RBMS3: variants seen among roughly 807,000 people sequenced by gnomAD.
RBMS3 encodes the protein RNA-binding motif, single-stranded-interacting protein 3.
In RBMS3, 27 loss-of-function variants were observed where a neutral mutation model predicts 66.8. That is an observed-to-expected ratio of 0.40 (90% CI 0.30 to 0.56). The LOEUF (loss-of-function observed/expected upper bound fraction) is 0.56, where lower values mean the gene tolerates loss of function less well. Among genes scored for constraint, RBMS3 ranks in the 20% least tolerant of loss-of-function variants. The pLI, the probability that RBMS3 is intolerant of heterozygous loss-of-function variation, is 0.40. For missense variants in RBMS3, 513 were observed against 549.5 expected (o/e 0.93, Z 0.66); for synonymous variants, 188 against 183.0 (o/e 1.03, Z -0.22).
intron 3 of RBMS3, among the ~76,000 whole-genome samples, chr3:29,498,419 G>C (rs2043843472): frequency 6.6e-6 from 1 of 152,042 alleles, no homozygotes; most frequent in Non-Finnish European, 1.5e-5. Flanking sequence ...ATATACTAAT[G>C]TATATTTAAA....
intron 12 of RBMS3, among the ~76,000 whole-genome samples, chr3:29,972,101 C>A (rs918600830): frequency 6.6e-6 from 1 of 152,116 alleles, no homozygotes; most frequent in Non-Finnish European, 1.5e-5. Flanking sequence ...TATCATCAAA[C>A]TAACTATTCT....
chr3:29,293,232 C>T lies in RBMS3; in HGVS notation c.75+11476C>T, dbSNP rs79225981. On this transcript the variant is annotated intron_variant, in intron 1 of 14. Coordinates refer to ENST00000383767, the MANE Select transcript of RBMS3 (RefSeq NM_001003793.3). ...TGTATCTAACATATTCATATACGATCTGTATGTGCTCACAAATATAACCAG... is the reference window on the plus strand; with the variant it reads ...TGTATCTAACATATTCATATACGATTTGTATGTGCTCACAAATATAACCAG... 2.4e-3 allele frequency among the ~76,000 whole-genome samples: 369 copies of T among 151,414 alleles called. 1 individual carries two copies. Among genetic ancestry groups the T allele is most frequent in the Non-Finnish European group, 2.6e-3 (177 of 67,748 alleles).
intron 12 of RBMS3, among the ~76,000 whole-genome samples, chr3:29,959,882 A>G (rs954432030): frequency 1.5e-4 from 23 of 152,132 alleles, no homozygotes; most frequent in African/African-American, 5.6e-4. Flanking sequence ...GTCTCCCACC[A>G]GATCCTTCCT....
intron 6 of RBMS3, among the ~76,000 whole-genome samples, chr3:29,783,032 C>T (rs2149413098): frequency 6.6e-6 from 1 of 152,062 alleles, no homozygotes; most frequent in Non-Finnish European, 1.5e-5. Flanking sequence ...AAGTTTGGGA[C>T]TATGTTAAAT....
intron 4 of RBMS3, among the ~76,000 whole-genome samples, chr3:29,650,585 G>T (rs764052719): frequency 6.6e-6 from 1 of 152,050 alleles, no homozygotes; most frequent in Non-Finnish European, 1.5e-5. Context: ...GAGGCACCAC[G>T]CCTGGCCTCC....
rs2042558811 is a variant in RBMS3, at chr3:29,466,780, G to A, written c.249-21661G>A. ...GCACTGTTTATGTACAGACATAGTT[G>A]GCCTTATGTTTTTTTTCTTAATCTG... On this transcript the variant is annotated intron_variant, in intron 2 of 14. Transcript: ENST00000383767. Among the ~76,000 whole-genome samples the A allele has an allele frequency of 2.0e-5, 3 of 152,032 alleles. 1 individual carries two copies. The South Asian group carries it at 6.2e-4, about 31-fold the overall frequency.
chr3:29,597,189 T>A (rs2047974035), intron 4 of RBMS3, among the ~76,000 whole-genome samples: 1 of 152,048 alleles, frequency 6.6e-6, no homozygotes, highest in Admixed American at 6.5e-5. Flanking sequence ...CCAAAATACA[T>A]GTTTTTTTAA....
intron 6 of RBMS3, 72 bp downstream of exon 6, chr3:29,763,061 TA>T: frequency 1.0e-5 from 11 of 1,075,168 alleles, no homozygotes; most frequent in Non-Finnish European, 1.4e-5. Flanking sequence ...AAGTACATTG[TA>T]AAGCCCTTGT....
At chr3:29,589,397 A>G (rs1048789010) in intron 4 of RBMS3, among the ~76,000 whole-genome samples, 4 of 152,094 alleles carry the variant, frequency 2.6e-5, no homozygotes, top group African/African-American at 9.7e-5. Context: ...AAAAAATGAG[A>G]TTCCAATTGG....
chr3:29,291,484 C>G (rs942317701), intron 1 of RBMS3, among the ~76,000 whole-genome samples: 1 of 151,782 alleles, frequency 6.6e-6, no homozygotes, highest in Non-Finnish European at 1.5e-5. Context: ...GTGCCAGGTT[C>G]ACAGAATTTT....
At chr3:29,322,297 ATGT>A (rs1191367936) in intron 1 of RBMS3, among the ~76,000 whole-genome samples, 1 of 152,062 alleles carries the variant, frequency 6.6e-6, no homozygotes, top group African/African-American at 2.4e-5. Context: ...TCTAGTAAAA[ATGT>A]TGTCTGTGTT....
At chr3:29,883,086 T>A (rs986910335) in intron 7 of RBMS3, among the ~76,000 whole-genome samples, 1 of 152,124 alleles carries the variant, frequency 6.6e-6, no homozygotes, top group Non-Finnish European at 1.5e-5. Context: ...TAAAGATAAC[T>A]TACTTGAACA....
At chr3:29,588,673 C>G (rs34174437) in intron 4 of RBMS3, among the ~76,000 whole-genome samples, 10 of 151,936 alleles carry the variant, frequency 6.6e-5, no homozygotes, top group African/African-American at 2.2e-4. Flanking sequence ...TATTCTTCAT[C>G]AAGATTATGC....
chr3:29,997,947 G>T (rs916195845), intron 14 of RBMS3, among the ~76,000 whole-genome samples: 11 of 152,104 alleles, frequency 7.2e-5, no homozygotes, highest in Admixed American at 2.0e-4. Flanking sequence ...AGAAATAAAG[G>T]GTATTCAATT....
intron 8 of RBMS3, among the ~76,000 whole-genome samples, chr3:29,888,899 A>G (rs1007253174): frequency 2.0e-5 from 3 of 151,602 alleles, no homozygotes; most frequent in African/African-American, 7.3e-5. Flanking sequence ...CACTGGTTGA[A>G]TTTATTCATT....
intron 2 of RBMS3, among the ~76,000 whole-genome samples, chr3:29,468,583 T>G (rs1270352138): frequency 1.3e-5 from 2 of 152,156 alleles, no homozygotes; most frequent in Non-Finnish European, 2.9e-5. Context: ...GACACTTAAT[T>G]GTATCTTCTA....
chr3:29,707,238 G>A (rs1441795467), intron 4 of RBMS3, among the ~76,000 whole-genome samples: 1 of 152,128 alleles, frequency 6.6e-6, no homozygotes, highest in African/African-American at 2.4e-5. Context: ...TTATGCCAAT[G>A]CCTATTTAGT....
intron 3 of RBMS3, among the ~76,000 whole-genome samples, chr3:29,535,696 T>TCTCAA (rs200732698): frequency 7.2e-6 from 1 of 138,480 alleles, no homozygotes; most frequent in Non-Finnish European, 1.5e-5. Context: ...AGTTCAATGA[T>TCTCAA]TGAGATCATT....
intron 3 of RBMS3, among the ~76,000 whole-genome samples, chr3:29,561,139 T>C (rs551086860): frequency 8.5e-5 from 13 of 152,248 alleles, no homozygotes; most frequent in African/African-American, 3.1e-4. Context: ...CAGTCTATCA[T>C]TGATGGGCAT....
Sources: gnomAD v4.1 joint callset for allele counts (sites outside exome capture counted in the v4.1 genomes callset) on GRCh38, gnomAD v4.1.1 for gene constraint, MANE v1.5 for transcripts, NCBI Gene and HGNC (gene_info 2026-07-23, HGNC 2026-07-21) for gene names.